MYOCOS: variants seen among roughly 807,000 people sequenced by gnomAD.
MYOCOS encodes myocilin opposite strand protein.
chr1:171,619,840 A>AAAAAG (rs895386074), upstream of MYOCOS, among the ~76,000 whole-genome samples: 1 of 151,454 alleles, frequency 6.6e-6, no homozygotes, highest in African/African-American at 2.4e-5. Flanking sequence ...CAAAAAAAAA[A>AAAAAG]AAAAGAAAAG....
chr1:171,607,901 T>C (rs1652280515), intron 1 of MYOCOS, among the ~76,000 whole-genome samples: 1 of 152,216 alleles, frequency 6.6e-6, no homozygotes, highest in South Asian at 2.1e-4. Context: ...AAGAGGTTTA[T>C]TGGACTCGCA....
In MYOCOS at chr1:171,623,876, G is replaced by A. The variant is rs1652624262; in HGVS notation, c.-8G>A. On this transcript the variant is annotated 5_prime_UTR_variant, in exon 2 of 3. Coordinates refer to ENST00000637642, the MANE Select transcript of MYOCOS (RefSeq NM_001391940.1). Reference sequence around the variant, plus strand: ...TTTAAATTCCTCAAATCCCCTGAGTGCAAGGCCATGGCTCAGAAAAGCCTT... The same window carrying A: ...TTTAAATTCCTCAAATCCCCTGAGTACAAGGCCATGGCTCAGAAAAGCCTT... 1 of 398,558 alleles carries A rather than the reference G, an allele frequency of 2.5e-6. No homozygotes were observed. Among genetic ancestry groups the A allele is most frequent in the Admixed American group, 4.4e-5 (1 of 22,722 alleles). 24.7% of individuals were successfully genotyped at this position (398,558 alleles called of 1,614,324 possible). A position where few individuals can be genotyped will look rare whatever the true frequency, so the allele number is the denominator to read the frequency against.
At chr1:171,604,222 T>C (rs1011828236) in intron 1 of MYOCOS, 1 of 152,066 alleles carries the variant, frequency 6.6e-6, no homozygotes, top group South Asian at 2.1e-4. Context: ...CCTGCTCCAG[T>C]CACACCCGGA....
At chr1:171,615,683 G>A (rs1259644301) in intron 2 of MYOCOS, among the ~76,000 whole-genome samples, 1 of 152,168 alleles carries the variant, frequency 6.6e-6, no homozygotes, top group African/African-American at 2.4e-5. Context: ...TCTGACCACC[G>A]GTGCATGCAG....
upstream of MYOCOS, among the ~76,000 whole-genome samples, chr1:171,618,333 A>G (rs1005419448): frequency 6.6e-6 from 1 of 152,226 alleles, no homozygotes; most frequent in African/African-American, 2.4e-5. Flanking sequence ...TTTATCTCAT[A>G]TATGCATATA....
At chr1:171,602,036 T>C (rs1051341924) in intron 1 of MYOCOS, among the ~76,000 whole-genome samples, 11 of 151,406 alleles carry the variant, frequency 7.3e-5, no homozygotes, top group Admixed American at 2.0e-4. Context: ...TAAAGAAAGT[T>C]TGCTTTAAAA....
intron 2 of MYOCOS, among the ~76,000 whole-genome samples, chr1:171,625,391 T>C (rs2102940957): frequency 6.6e-6 from 1 of 152,330 alleles, no homozygotes; most frequent in South Asian, 2.1e-4. Flanking sequence ...TGGATTCCAG[T>C]TCTGCCTTCT....
At chr1:171,620,794 A>G (rs1047734160), upstream of MYOCOS, among the ~76,000 whole-genome samples, 1 of 114,740 alleles carries the variant, frequency 8.7e-6, no homozygotes, top group African/African-American at 3.5e-5. Flanking sequence ...TTTTTTTGAG[A>G]CGGAGTCTCG....
intron 1 of MYOCOS, among the ~76,000 whole-genome samples, chr1:171,606,042 G>A (rs1363187888): frequency 1.3e-5 from 2 of 152,156 alleles, no homozygotes; most frequent in Admixed American, 6.5e-5. Context: ...TGACACATGT[G>A]CCCGTAAAAG....
At chr1:171,620,068 C>CATAT (rs139274519), upstream of MYOCOS, among the ~76,000 whole-genome samples, 108 of 142,542 alleles carry the variant, frequency 7.6e-4, no homozygotes, top group Middle Eastern at 3.7e-3. Flanking sequence ...CTCCCCTTTA[C>CATAT]ATATATATAT....
At chr1:171,622,483 A>G (rs1254155998) in intron 1 of MYOCOS, among the ~76,000 whole-genome samples, 151 bp downstream of exon 1, 1 of 152,178 alleles carries the variant, frequency 6.6e-6, no homozygotes, top group East Asian at 1.9e-4. Flanking sequence ...TTTCAAAGAG[A>G]TGAAGTAGCT....
intron 1 of MYOCOS, among the ~76,000 whole-genome samples, chr1:171,613,619 C>T (rs1281551943): frequency 6.6e-6 from 1 of 152,072 alleles, no homozygotes; most frequent in Non-Finnish European, 1.5e-5. Flanking sequence ...GTGATCATAG[C>T]TTGCTGCAAC....
intron 2 of MYOCOS, among the ~76,000 whole-genome samples, chr1:171,625,206 G>A (rs1430473860): frequency 6.6e-6 from 1 of 152,184 alleles, no homozygotes; most frequent in African/African-American, 2.4e-5. Context: ...TCTGCAGGAA[G>A]TGTGGTCCCT....
chr1:171,609,435 T>C (rs1485800890), intron 1 of MYOCOS, among the ~76,000 whole-genome samples: 2 of 152,172 alleles, frequency 1.3e-5, no homozygotes, highest in African/African-American at 2.4e-5. Flanking sequence ...TCTCTTCCTG[T>C]GTCTCTGGTG....
chr1:171,618,234 A>G (rs1652485623), upstream of MYOCOS, among the ~76,000 whole-genome samples: 1 of 152,250 alleles, frequency 6.6e-6, no homozygotes, highest in African/African-American at 2.4e-5. Flanking sequence ...TTGGCACTCA[A>G]CCAACCAAGT....
intron 1 of MYOCOS, among the ~76,000 whole-genome samples, chr1:171,603,819 A>G (rs1053767780): frequency 2.0e-5 from 3 of 152,250 alleles, no homozygotes; most frequent in Admixed American, 6.5e-5. Flanking sequence ...CCCATGTCCA[A>G]TGGCCCTGGT....
At chr1:171,606,035 C>T (rs74122882) in intron 1 of MYOCOS, among the ~76,000 whole-genome samples, 3,037 of 152,230 alleles carry the variant, frequency 0.02, 101 homozygotes, top group African/African-American at 0.07. Context: ...ACAAAACTGA[C>T]ACATGTGCCC....
upstream of MYOCOS, among the ~76,000 whole-genome samples, chr1:171,618,558 T>TG (rs1652491609): frequency 6.9e-6 from 1 of 144,970 alleles, no homozygotes; most frequent in Non-Finnish European, 1.5e-5. Context: ...CACTATCTCC[T>TG]TTTTGTTTGT....
Position 171,626,669 on chromosome 1 carries a change from G to C in MYOCOS, c.*68G>C, listed in dbSNP as rs1652711932. The C allele has an allele frequency of 5.0e-6, 2 of 398,260 alleles. No individual in the cohort carries two copies. Among genetic ancestry groups the C allele is most frequent in the Non-Finnish European group, 8.9e-6 (2 of 225,908 alleles). The allele number at this position is 398,260 out of a possible 1,614,324, so 24.7% of individuals were successfully genotyped here. A position where few individuals can be genotyped will look rare whatever the true frequency, so the allele number is the denominator to read the frequency against. Reference sequence around the variant, plus strand: ...AGAAAACAGTTTCAGTGGCATTCTTGAGGTTTGTCTTAGAAGACTCTTGAA... The same window carrying C: ...AGAAAACAGTTTCAGTGGCATTCTTCAGGTTTGTCTTAGAAGACTCTTGAA... On this transcript the variant is annotated 3_prime_UTR_variant, in exon 3 of 3. Transcript: ENST00000637642.
Sources: allele counts gnomAD v4.1 joint callset (sites outside exome capture counted in the v4.1 genomes callset), GRCh38; gene constraint gnomAD v4.1.1; transcripts MANE v1.5; gene names NCBI Gene and HGNC (gene_info 2026-07-23, HGNC 2026-07-21).